Variants in GATAD2A observed in about 807,000 individuals in gnomAD.
GATAD2A encodes the protein GATA zinc finger domain containing 2A.
Under a neutral mutation model 68.5 loss-of-function variants are expected in GATAD2A, and 12 were observed. The ratio of observed to expected loss-of-function variants is 0.18; its 90% confidence interval spans 0.11 to 0.28. GATAD2A has a LOEUF of 0.28. GATAD2A is among the 10% of genes least tolerant of loss of function. The pLI is 1.00. For synonymous variants in GATAD2A, 410 were observed against 375.3 expected (o/e 1.09, Z -1.07); for missense variants, 755 against 868.5 (o/e 0.87, Z 1.64).
At chr19:19,417,013 C>T (rs959463861) in intron 1 of GATAD2A, among the ~76,000 whole-genome samples, 27 of 152,158 alleles carry the variant, frequency 1.8e-4, no homozygotes, top group African/African-American at 4.8e-4. Context: ...CTGCCTGCCT[C>T]GGCCTCCCAA....
chr19:19,495,972 CA>C, intron 6 of GATAD2A, 79 bp from the exon 7 acceptor site: 1 of 1,579,278 alleles, frequency 6.3e-7, no homozygotes, highest in Non-Finnish European at 8.7e-7. Context: ...TCCTTGGGGG[CA>C]AGGTGCCCTG....
chr19:19,440,307 G>A (rs1216924470), intron 1 of GATAD2A: 2 of 213,606 alleles, frequency 9.4e-6, no homozygotes, highest in Admixed American at 5.9e-5. Flanking sequence ...GTCTTGCTCT[G>A]TCGCCCAGGC....
intron 2 of GATAD2A, among the ~76,000 whole-genome samples, chr19:19,484,756 A>G (rs889507625): frequency 6.6e-6 from 1 of 151,894 alleles, no homozygotes; most frequent in Non-Finnish European, 1.5e-5. Flanking sequence ...GATGGTCTCT[A>G]TCTCGTGACC....
At position 19,506,361 on chromosome 19, in the gene GATAD2A, G is replaced by C; in HGVS notation, c.*887G>C. The C allele has an allele frequency of 2.5e-6, 1 of 396,466 alleles. No homozygotes were observed. Among genetic ancestry groups the C allele is most frequent in the East Asian group, 3.6e-5 (1 of 27,950 alleles). 24.6% of individuals were successfully genotyped at this position (396,466 alleles called of 1,614,324 possible). ...GCCCTGAGCAGAAAGCTGGAGGGGG[G>C]ACTGTCGCGGGGTTTTTCTGTTGTG... On this transcript the variant is annotated 3_prime_UTR_variant, in exon 12 of 12. Transcript: ENST00000683918.
chr19:19,459,756 T>A (rs1410426832), intron 1 of GATAD2A, among the ~76,000 whole-genome samples: 3 of 152,218 alleles, frequency 2.0e-5, no homozygotes, highest in African/African-American at 7.2e-5. Flanking sequence ...GACAGACCTC[T>A]CCCCTGGCCC....
chr19:19,388,883 T>C (rs1445013166), intron 1 of GATAD2A, among the ~76,000 whole-genome samples: 1 of 152,010 alleles, frequency 6.6e-6, no homozygotes, highest in African/African-American at 2.4e-5. Flanking sequence ...CTTGATCAAA[T>C]AGGATCCCTA....
At chr19:19,408,463 T>C (rs991976116) in intron 1 of GATAD2A, among the ~76,000 whole-genome samples, 2 of 152,182 alleles carry the variant, frequency 1.3e-5, no homozygotes, top group Non-Finnish European at 2.9e-5. Flanking sequence ...TCAATAAAGG[T>C]CTCTACATTA....
intron 7 of GATAD2A, 75 bp downstream of exon 7, chr19:19,496,294 G>T: frequency 1.5e-6 from 2 of 1,344,970 alleles, no homozygotes; most frequent in Non-Finnish European, 2.1e-6. Flanking sequence ...CCCAGGTTCT[G>T]GGGCACAGTA....
intron 4 of GATAD2A, among the ~76,000 whole-genome samples, chr19:19,493,416 C>T (rs1348649907): frequency 6.6e-6 from 1 of 152,254 alleles, no homozygotes; most frequent in Non-Finnish European, 1.5e-5. Flanking sequence ...CCCCTCCCAG[C>T]TGCAAGTGTG....
In GATAD2A at chr19:19,459,086, A is replaced by G. The variant is rs148528064; in HGVS notation, c.-6-6254A>G. The stretch of plus-strand genomic sequence containing the variant: ...CTCCTGAGTAGCTGGGACTACAGGC[A>G]TGTGCCACTGTGCCTGGCTTCACAC... On this transcript the variant is annotated intron_variant, in intron 1 of 11. Transcript: ENST00000683918. Among the ~76,000 whole-genome samples, 42 of 152,306 alleles carry G rather than the reference A, an allele frequency of 2.8e-4. No homozygotes were observed. The East Asian group carries it at 8.1e-3, about 29-fold the overall frequency.
At chr19:19,467,813 G>A (rs1321941338) in intron 2 of GATAD2A, among the ~76,000 whole-genome samples, 1 of 152,180 alleles carries the variant, frequency 6.6e-6, no homozygotes, top group Non-Finnish European at 1.5e-5. Context: ...GTTTGCATGT[G>A]TGTGTATAGT....
intron 1 of GATAD2A, among the ~76,000 whole-genome samples, chr19:19,438,247 G>A (rs1018659922): frequency 1.3e-4 from 20 of 152,210 alleles, no homozygotes; most frequent in Admixed American, 1.0e-3. Context: ...TCATCATGTT[G>A]GCTCACCTCC....
intron 2 of GATAD2A, 95 bp from the exon 3 acceptor site, chr19:19,492,211 C>G (rs777484187): frequency 2.3e-6 from 3 of 1,276,858 alleles, no homozygotes; most frequent in Non-Finnish European, 3.3e-6. Context: ...AGGGAACAGA[C>G]GGGGAGGTCT....
At chr19:19,448,962 C>T (rs999798657) in intron 1 of GATAD2A, among the ~76,000 whole-genome samples, 5 of 152,172 alleles carry the variant, frequency 3.3e-5, no homozygotes, top group Admixed American at 2.0e-4. Flanking sequence ...AATTGTGATC[C>T]TTGTGGGGCT....
intron 2 of GATAD2A, among the ~76,000 whole-genome samples, chr19:19,485,333 G>A (rs993927143): frequency 6.6e-6 from 1 of 152,240 alleles, no homozygotes; most frequent in Non-Finnish European, 1.5e-5. Flanking sequence ...AGTTCTGCTG[G>A]TTGGCTGGTC....
chr19:19,420,177 GTTTT>G (rs71170684), intron 1 of GATAD2A, among the ~76,000 whole-genome samples: 1 of 89,922 alleles, frequency 1.1e-5, no homozygotes, highest in Non-Finnish European at 2.1e-5. Context: ...TATCCAGCTA[GTTTT>G]TTTTTTTTTT....
At chr19:19,417,987 T>C (rs1470827443) in intron 1 of GATAD2A, among the ~76,000 whole-genome samples, 2 of 152,078 alleles carry the variant, frequency 1.3e-5, no homozygotes, top group Non-Finnish European at 1.5e-5. Flanking sequence ...CAGGGTGTCA[T>C]GATGCAGACA....
At chr19:19,462,659 G>A (rs1479868823) in intron 1 of GATAD2A, among the ~76,000 whole-genome samples, 1 of 152,246 alleles carries the variant, frequency 6.6e-6, no homozygotes, top group African/African-American at 2.4e-5. Flanking sequence ...CAACAAGAGA[G>A]GTCTCTGGGG....
intron 2 of GATAD2A, among the ~76,000 whole-genome samples, chr19:19,477,126 A>C (rs946454373): frequency 1.3e-5 from 2 of 152,148 alleles, no homozygotes; most frequent in East Asian, 3.9e-4. Flanking sequence ...CCTGAAGCCA[A>C]GCTGGATCTG....
Sources: allele counts gnomAD v4.1 joint callset (sites outside exome capture counted in the v4.1 genomes callset), GRCh38; gene constraint gnomAD v4.1.1; transcripts MANE v1.5; gene names NCBI Gene and HGNC (gene_info 2026-07-23, HGNC 2026-07-21).